Variants in GRIP1 observed in about 807,000 individuals in gnomAD.
The protein encoded by GRIP1 is glutamate receptor-interacting protein 1.
GRIP1 carries 45 observed loss-of-function variants against 129.9 expected under a neutral mutation model. That is an observed-to-expected ratio of 0.35 (90% CI 0.27 to 0.44). The LOEUF (loss-of-function observed/expected upper bound fraction) is 0.44, where lower values mean the gene tolerates loss of function less well. Ranked by LOEUF, GRIP1 falls within the 20% of genes least tolerant of loss-of-function variation. The pLI is 1.00. For synonymous variants in GRIP1, 530 were observed against 520.8 expected (o/e 1.02, Z -0.24); for missense variants, 1,196 against 1,396.8 (o/e 0.86, Z 2.29).
At chr12:66,539,693 T>A (rs941838849) in intron 3 of GRIP1, among the ~76,000 whole-genome samples, 1 of 152,110 alleles carries the variant, frequency 6.6e-6, no homozygotes, top group Non-Finnish European at 1.5e-5. Flanking sequence ...TTCACCTCTT[T>A]CAATAACTTC....
intron 1 of GRIP1, among the ~76,000 whole-genome samples, chr12:67,053,377 TAAC>T (rs1460795016): frequency 6.6e-6 from 1 of 152,030 alleles, no homozygotes; most frequent in Non-Finnish European, 1.5e-5. Flanking sequence ...CTCATTCACT[TAAC>T]AAATATTAAA....
At chr12:67,018,271 A>T (rs2042817136) in intron 1 of GRIP1, among the ~76,000 whole-genome samples, 1 of 152,056 alleles carries the variant, frequency 6.6e-6, no homozygotes, top group African/African-American at 2.4e-5. Context: ...CTCTGCCTCC[A>T]GCCTTTCTTG....
intron 11 of GRIP1, 60 bp downstream of exon 11, chr12:66,455,349 A>T: frequency 1.3e-6 from 2 of 1,485,262 alleles, no homozygotes; most frequent in Non-Finnish European, 1.9e-6. Context: ...GGTATTTTCA[A>T]GGCTCCATTG....
upstream of GRIP1, among the ~76,000 whole-genome samples, chr12:66,679,297 G>T (rs191763033): frequency 2.3e-4 from 35 of 152,236 alleles, no homozygotes; most frequent in East Asian, 6.0e-3. Flanking sequence ...TATCCAGTCA[G>T]TTCAGCCACC....
At chr12:67,046,845 T>C (rs2043261582) in intron 1 of GRIP1, among the ~76,000 whole-genome samples, 1 of 152,186 alleles carries the variant, frequency 6.6e-6, no homozygotes, top group African/African-American at 2.4e-5. Flanking sequence ...AATTCCCTCC[T>C]CCTACTTTAA....
At chr12:66,797,307 G>A (rs745564679) in intron 1 of GRIP1, among the ~76,000 whole-genome samples, 1 of 152,138 alleles carries the variant, frequency 6.6e-6, no homozygotes, top group Non-Finnish European at 1.5e-5. Context: ...TAAGCGGAAC[G>A]TCATCTGTCC....
chr12:66,963,684 T>C (rs2041955549), intron 1 of GRIP1, among the ~76,000 whole-genome samples: 2 of 152,134 alleles, frequency 1.3e-5, no homozygotes, highest in South Asian at 4.1e-4. Flanking sequence ...ATACTCCTTG[T>C]TCTCATCTTC....
intron 1 of GRIP1, among the ~76,000 whole-genome samples, chr12:66,723,118 GAA>G (rs1203970547): frequency 1.5e-5 from 2 of 133,048 alleles, no homozygotes; most frequent in Non-Finnish European, 3.2e-5. Flanking sequence ...ATATTTTTTG[GAA>G]AAAAAAAAAA....
chr12:66,698,650 A>G (rs751645912), intron 1 of GRIP1, among the ~76,000 whole-genome samples: 2 of 152,112 alleles, frequency 1.3e-5, no homozygotes, highest in East Asian at 3.9e-4. Flanking sequence ...TGAAGATAAT[A>G]ATAGTCTGGC....
chr12:66,661,196 G>A (rs1461486632), intron 1 of GRIP1, among the ~76,000 whole-genome samples: 1 of 151,942 alleles, frequency 6.6e-6, no homozygotes, highest in Non-Finnish European at 1.5e-5. Flanking sequence ...TTCAGATTAG[G>A]AGGCAACTTC....
intron 2 of GRIP1, among the ~76,000 whole-genome samples, chr12:66,559,373 CG>C (rs1465596064): frequency 6.6e-6 from 1 of 151,944 alleles, no homozygotes; most frequent in African/African-American, 2.4e-5. Context: ...GCATCCAAAT[CG>C]GAAAGGAAGA....
intron 1 of GRIP1, among the ~76,000 whole-genome samples, chr12:66,720,990 C>T (rs749351104): frequency 6.6e-6 from 1 of 152,128 alleles, no homozygotes; most frequent in Non-Finnish European, 1.5e-5. Context: ...AGAGGAATCA[C>T]TATTGATGGC....
intron 1 of GRIP1, among the ~76,000 whole-genome samples, chr12:66,963,037 A>C (rs1592398602): frequency 6.6e-6 from 1 of 152,196 alleles, no homozygotes; most frequent in African/African-American, 2.4e-5. Context: ...TAGGCCAGGC[A>C]CAGTGGCTCA....
intron 13 of GRIP1, among the ~76,000 whole-genome samples, chr12:66,440,689 A>T (rs994955209): frequency 6.6e-6 from 1 of 151,968 alleles, no homozygotes; most frequent in Non-Finnish European, 1.5e-5. Flanking sequence ...TCTCTCCCTC[A>T]TTCATGTCAG....
At chr12:66,566,932 A>G (rs531845932) in intron 2 of GRIP1, among the ~76,000 whole-genome samples, 2 of 152,318 alleles carry the variant, frequency 1.3e-5, no homozygotes, top group South Asian at 4.1e-4. Context: ...AGGTGTTTAT[A>G]GTATTCTCTG....
intron 1 of GRIP1, among the ~76,000 whole-genome samples, chr12:66,708,355 T>TCCC (rs2035605738): frequency 6.6e-6 from 1 of 152,020 alleles, no homozygotes; most frequent in African/African-American, 2.4e-5. Flanking sequence ...TCTAAAATTT[T>TCCC]ATTTGTTTAA....
intron 2 of GRIP1, among the ~76,000 whole-genome samples, chr12:66,556,640 T>TCA: frequency 6.7e-6 from 1 of 149,260 alleles, no homozygotes; most frequent in African/African-American, 2.4e-5. Context: ...TGATAAAACA[T>TCA]TAAAAAAAAA....
At chr12:66,493,663 T>A (rs1724256576) in intron 7 of GRIP1, among the ~76,000 whole-genome samples, 1 of 152,180 alleles carries the variant, frequency 6.6e-6, no homozygotes, top group Admixed American at 6.5e-5. Flanking sequence ...GGAATCCAAT[T>A]ACATGCAGAG....
intron 1 of GRIP1, among the ~76,000 whole-genome samples, chr12:66,980,945 C>T (rs1314805805): frequency 2.0e-5 from 3 of 152,196 alleles, no homozygotes; most frequent in African/African-American, 4.8e-5. Flanking sequence ...TACCACTAGA[C>T]AACTAAAGGA....
Sources: allele counts gnomAD v4.1 joint callset (sites outside exome capture counted in the v4.1 genomes callset), GRCh38; gene constraint gnomAD v4.1.1; transcripts MANE v1.5; gene names NCBI Gene and HGNC (gene_info 2026-07-23, HGNC 2026-07-21).